Variants in NAALADL2 observed in about 807,000 individuals in gnomAD.
NAALADL2 encodes the protein N-acetylated alpha-linked acidic dipeptidase like 2, also known as inactive N-acetylated-alpha-linked acidic dipeptidase-like protein 2.
A neutral mutation model predicts 87.2 loss-of-function variants in NAALADL2; 76 were observed. That is an observed-to-expected ratio of 0.87 (90% CI 0.72 to 1.05). The LOEUF is 1.05. Among genes scored for constraint, NAALADL2 ranks in the 50% least tolerant of loss-of-function variants. The pLI, the probability that NAALADL2 is intolerant of heterozygous loss-of-function variation, is 0.00. For synonymous variants in NAALADL2, 354 were observed against 331.0 expected (o/e 1.07, Z -0.75); for missense variants, 1,089 against 945.8 (o/e 1.15, Z -1.99).
intron 2 of NAALADL2, among the ~76,000 whole-genome samples, chr3:175,200,076 C>T (rs1334200992): frequency 1.3e-5 from 2 of 151,348 alleles, no homozygotes; most frequent in African/African-American, 4.8e-5. Context: ...TCTTGATACC[C>T]TGCCCAACTC....
rs186820793 is a variant in NAALADL2 at position 174,996,325 on chromosome 3, G to A, written c.44-100465G>A. On this transcript the variant is annotated intron_variant, in intron 1 of 13. Coordinates refer to ENST00000454872, the MANE Select transcript of NAALADL2 (RefSeq NM_207015.3). ...ATCCTGGCTAACACGGTGAAACCCC[G>A]TCTCTGCTAAAAATAAAAAAAATTA... Among the ~76,000 whole-genome samples, 1,244 of 148,528 alleles carry A rather than the reference G, an allele frequency of 8.4e-3. 17 individuals carry two copies. The highest frequency in any genetic ancestry group is 0.03 in the African/African-American group (1,177 of 38,728).
chr3:174,610,319 T>C (rs920012401), intron 2 of NAALADL2, among the ~76,000 whole-genome samples: 1 of 151,494 alleles, frequency 6.6e-6, no homozygotes, highest in African/African-American at 2.4e-5. Flanking sequence ...ACAAATGGGA[T>C]CTAATTAAAC....
chr3:175,795,392 C>T (rs944945116), intron 13 of NAALADL2, among the ~76,000 whole-genome samples: 5 of 151,788 alleles, frequency 3.3e-5, no homozygotes, highest in African/African-American at 9.7e-5. Flanking sequence ...TGTACTCTGT[C>T]AATGGGCGCG....
At chr3:175,117,640 A>T (rs1407813785) in intron 2 of NAALADL2, among the ~76,000 whole-genome samples, 2 of 150,764 alleles carry the variant, frequency 1.3e-5, no homozygotes, top group African/African-American at 2.5e-5. Flanking sequence ...GGATGTGGAG[A>T]AATAGGAACA....
intron 9 of NAALADL2, among the ~76,000 whole-genome samples, chr3:175,524,453 T>A (rs1733110214): frequency 6.6e-6 from 1 of 152,186 alleles, no homozygotes; most frequent in Non-Finnish European, 1.5e-5. Context: ...ACTTTTAATA[T>A]AATCTACATT....
intron 11 of NAALADL2, among the ~76,000 whole-genome samples, chr3:175,733,701 A>C (rs1399110888): frequency 1.3e-5 from 2 of 152,248 alleles, no homozygotes; most frequent in Non-Finnish European, 1.5e-5. Flanking sequence ...GAGACAAGGC[A>C]AGTCCTTTCC....
chr3:174,980,762 G>A (rs554838294), intron 1 of NAALADL2, among the ~76,000 whole-genome samples: 1 of 152,032 alleles, frequency 6.6e-6, no homozygotes, highest in East Asian at 1.9e-4. Flanking sequence ...CTATTTTTCT[G>A]TGTATTATAC....
At chr3:174,971,919 A>C (rs1423766803) in intron 1 of NAALADL2, among the ~76,000 whole-genome samples, 4 of 152,084 alleles carry the variant, frequency 2.6e-5, no homozygotes, top group Non-Finnish European at 4.4e-5. Context: ...GCTGGTCTTG[A>C]ACTCCTGACC....
At chr3:175,434,696 T>C (rs951242602) in intron 5 of NAALADL2, among the ~76,000 whole-genome samples, 5 of 152,026 alleles carry the variant, frequency 3.3e-5, no homozygotes, top group African/African-American at 1.2e-4. Flanking sequence ...AAATGTAAAC[T>C]AGTCTTTTTT....
At chr3:175,539,043 AAC>A (rs1190517973) in intron 9 of NAALADL2, among the ~76,000 whole-genome samples, 3 of 152,344 alleles carry the variant, frequency 2.0e-5, no homozygotes, top group African/African-American at 7.2e-5. Flanking sequence ...AGACAAAATA[AAC>A]ACAGCATTTG....
intron 2 of NAALADL2, among the ~76,000 whole-genome samples, chr3:175,163,099 T>C (rs1216864102): frequency 6.6e-6 from 1 of 152,130 alleles, no homozygotes; most frequent in Non-Finnish European, 1.5e-5. Flanking sequence ...TGAGTTAGTC[T>C]GTACTTAGTT....
At chr3:175,752,512 G>A (rs2150126725) in intron 12 of NAALADL2, among the ~76,000 whole-genome samples, 1 of 152,162 alleles carries the variant, frequency 6.6e-6, no homozygotes, top group South Asian at 2.1e-4. Context: ...GCAGAGAAAT[G>A]GCTACTAGAA....
At chr3:175,513,126 G>A (rs908727119) in intron 9 of NAALADL2, among the ~76,000 whole-genome samples, 8 of 152,136 alleles carry the variant, frequency 5.3e-5, no homozygotes, top group Non-Finnish European at 8.8e-5. Flanking sequence ...GAATAGCAGT[G>A]TACACAGTCA....
intron 5 of NAALADL2, among the ~76,000 whole-genome samples, chr3:175,332,973 G>A (rs1465870790): frequency 1.3e-5 from 2 of 152,162 alleles, no homozygotes; most frequent in Non-Finnish European, 2.9e-5. Flanking sequence ...TTATCAATAT[G>A]TAATAATATA....
chr3:175,536,305 C>T (rs1200824478), intron 9 of NAALADL2, among the ~76,000 whole-genome samples: 7 of 152,094 alleles, frequency 4.6e-5, no homozygotes, highest in African/African-American at 9.7e-5. Flanking sequence ...TGTTAAACAT[C>T]GGTTTAAATT....
rs140291952 is a variant in NAALADL2, at chr3:175,181,678, CATATATATAT to C, written c.546-52236_546-52227del. On this transcript the variant is annotated intron_variant, in intron 2 of 13. Transcript: ENST00000454872. ...TTATGACTGAATAGTATTCCATTGGCATATATATATATATATATATATATATGTGTGTGTG... is the reference window on the plus strand; with the variant it reads ...TTATGACTGAATAGTATTCCATTGGCATATATATATATATATGTGTGTGTG... Among the ~76,000 whole-genome samples the C allele has an allele frequency of 3.2e-3, 168 of 51,858 alleles. 3 individuals are homozygous for C. The highest frequency in any genetic ancestry group is 8.1e-3 in the African/African-American group (132 of 16,250). 34.0% of individuals were successfully genotyped at this position (51,858 alleles called of 152,430 possible).
chr3:174,776,083 A>G (rs1715180481), intron 3 of NAALADL2, among the ~76,000 whole-genome samples: 1 of 152,288 alleles, frequency 6.6e-6, no homozygotes, highest in African/African-American at 2.4e-5. Context: ...CTTTCTTCAA[A>G]TAAGAATCTT....
intron 2 of NAALADL2, among the ~76,000 whole-genome samples, chr3:174,617,872 G>A (rs1720614620): frequency 6.6e-6 from 1 of 151,590 alleles, no homozygotes; most frequent in Non-Finnish European, 1.5e-5. Context: ...TTTAAAATGT[G>A]ATCTAGCTTT....
intron 1 of NAALADL2, among the ~76,000 whole-genome samples, chr3:174,862,083 A>G (rs1210316366): frequency 6.6e-6 from 1 of 152,130 alleles, no homozygotes; most frequent in African/African-American, 2.4e-5. Context: ...CTCAGGATTC[A>G]TAAAATAAAT....
Sources: gnomAD v4.1 joint callset for allele counts (sites outside exome capture counted in the v4.1 genomes callset) on GRCh38, gnomAD v4.1.1 for gene constraint, MANE v1.5 for transcripts, NCBI Gene and HGNC (gene_info 2026-07-23, HGNC 2026-07-21) for gene names.